The following BACH2 variants were observed in gnomAD, a reference collection of about 807,000 sequenced individuals.
BACH2 encodes the protein transcription regulator protein BACH2.
Under a neutral mutation model 61.8 loss-of-function variants are expected in BACH2, and 5 were observed. The observed-to-expected ratio is 0.08, with a 90% CI of 0.04 to 0.17. The LOEUF (loss-of-function observed/expected upper bound fraction) is 0.17, where lower values mean the gene tolerates loss of function less well. BACH2 is among the 10% of genes least tolerant of loss of function. The probability of loss-of-function intolerance (pLI) is 1.00; values close to 1 mark genes in which losing one functional copy is unlikely to be tolerated. For synonymous variants in BACH2, 446 were observed against 440.1 expected, an observed-to-expected ratio of 1.01 and a Z score of -0.17; for missense variants, 824 against 1,091.1, an observed-to-expected ratio of 0.76 and a Z score of 3.45.
At chr6:90,020,450 C>T (rs1778311075) in intron 5 of BACH2, among the ~76,000 whole-genome samples, 1 of 151,986 alleles carries the variant, frequency 6.6e-6, no homozygotes. Flanking sequence ...GTCACTTTGG[C>T]CCTCTCTCAT....
At chr6:89,969,244 T>C (rs1037306860) in intron 6 of BACH2, among the ~76,000 whole-genome samples, 1 of 151,792 alleles carries the variant, frequency 6.6e-6, no homozygotes, top group Non-Finnish European at 1.5e-5. Context: ...TCAGTAGAGA[T>C]GGGGTTTCTC....
chr6:89,953,281 A>G (rs1324981519), intron 6 of BACH2: 1 of 152,232 alleles, frequency 6.6e-6, no homozygotes, highest in Non-Finnish European at 1.5e-5. Context: ...CTCAGCTCTC[A>G]TAGCCAGATG....
chr6:90,256,815 C>T (rs945674143), intron 2 of BACH2, among the ~76,000 whole-genome samples: 1 of 152,100 alleles, frequency 6.6e-6, no homozygotes, highest in African/African-American at 2.4e-5. Context: ...AGTCTTCATA[C>T]TGCACATTAG....
chr6:90,054,321 C>A (rs1221305776), intron 5 of BACH2, among the ~76,000 whole-genome samples: 3 of 152,236 alleles, frequency 2.0e-5, no homozygotes, highest in African/African-American at 7.2e-5. Flanking sequence ...GAGATTATAT[C>A]CCGCACGTGG....
At chr6:90,245,981 T>G (rs1447749802) in intron 3 of BACH2, among the ~76,000 whole-genome samples, 1 of 152,146 alleles carries the variant, frequency 6.6e-6, no homozygotes, top group Non-Finnish European at 1.5e-5. Context: ...GGAAAGGATG[T>G]CAGCAAGAGA....
intron 1 of BACH2, among the ~76,000 whole-genome samples, chr6:90,281,213 A>G (rs2127886693): frequency 6.6e-6 from 1 of 152,338 alleles, no homozygotes; most frequent in Non-Finnish European, 1.5e-5. Flanking sequence ...CTGGTGGCTC[A>G]CAATGTTGTG....
In BACH2 at chr6:89,951,855, G is replaced by A. The variant is rs1473547695; in HGVS notation, c.251C>T (p.Ala84Val). 6.2e-7 allele frequency: 1 copy of A among 1,608,842 alleles called. No individual in the cohort carries two copies. Among genetic ancestry groups the A allele is most frequent in the Non-Finnish European group, 8.5e-7 (1 of 1,175,620 alleles). Residue 84 changes from alanine to valine, a missense_variant, in exon 7 of 9, where the codon GCC becomes GTC. Ala to Val is a moderately conservative substitution (Grantham distance 64, BLOSUM62 0). Around this residue, in one of 8 missense-constraint regions of BACH2, gnomAD observed 66 missense variants for 144.8 expected, o/e 0.46. Transcript: ENST00000257749. The surrounding 1 kb of genome is among the most constrained non-coding windows in gnomAD (Gnocchi z 6.4). ...LVVSLPEEVT[A>V]RGFGPLLQFA... ...CTGTAACAGCGGCCCAAAGCCCCTG[G>A]CTGTGACCTGCAAAACAAACAGGGA...
chr6:90,166,089 C>T (rs963042083), intron 4 of BACH2, among the ~76,000 whole-genome samples: 2 of 152,054 alleles, frequency 1.3e-5, no homozygotes, highest in Non-Finnish European at 2.9e-5. Flanking sequence ...AGCTTCTGCA[C>T]AGCAAAAGAA....
intron 1 of BACH2, among the ~76,000 whole-genome samples, chr6:90,279,406 G>C (rs7754251): frequency 0.49 from 73,960 of 151,424 alleles, 18,707 homozygotes; most frequent in South Asian, 0.58. Flanking sequence ...GCCTGTAATC[G>C]CAGCCACTCA....
Position 89,931,204 on chromosome 6 carries a change from G to A in BACH2, c.*1204C>T, listed in dbSNP as rs1040101226. ...TTCTGGTATAAAATCACGGATTCCTGTTTTTCTGATGTACTTTTGAGTGAG... is the reference window on the plus strand; with the variant it reads ...TTCTGGTATAAAATCACGGATTCCTATTTTTCTGATGTACTTTTGAGTGAG... On this transcript the variant is annotated 3_prime_UTR_variant, in exon 9 of 9. Transcript: ENST00000257749. 1.3e-5 allele frequency: 2 copies of A among 152,372 alleles called. No homozygotes were observed. Among genetic ancestry groups the A allele is most frequent in the African/African-American group, 4.8e-5 (2 of 41,472 alleles). 9.4% of individuals were successfully genotyped at this position (152,372 alleles called of 1,614,324 possible).
At chr6:89,937,160 T>G (rs904087129) in intron 8 of BACH2, among the ~76,000 whole-genome samples, 3 of 152,090 alleles carry the variant, frequency 2.0e-5, no homozygotes, top group Non-Finnish European at 4.4e-5. Flanking sequence ...GGCACAGGGA[T>G]GGCGATGACA....
intron 2 of BACH2, among the ~76,000 whole-genome samples, chr6:90,255,435 G>A (rs910270614): frequency 1.3e-5 from 2 of 152,176 alleles, no homozygotes; most frequent in African/African-American, 2.4e-5. Flanking sequence ...CCTGAGTGGT[G>A]AAACTGAGAC....
chr6:89,956,434 T>C (rs1000620032), intron 6 of BACH2, among the ~76,000 whole-genome samples: 3 of 152,262 alleles, frequency 2.0e-5, no homozygotes, highest in Admixed American at 6.5e-5. Context: ...CCGTGTCCGA[T>C]GGTGCAAGTC....
At chr6:90,128,017 G>A (rs540515124) in intron 4 of BACH2, among the ~76,000 whole-genome samples, 154 of 152,176 alleles carry the variant, frequency 1.0e-3, no homozygotes, top group African/African-American at 3.5e-3. Flanking sequence ...GCCTTCCCAT[G>A]CACTTTTCCC....
At chr6:90,186,066 C>T (rs1768346371) in intron 4 of BACH2, among the ~76,000 whole-genome samples, 1 of 152,120 alleles carries the variant, frequency 6.6e-6, no homozygotes, top group African/African-American at 2.4e-5. Flanking sequence ...CGATCCTCTA[C>T]CATATTTAAA....
chr6:90,148,095 A>G (rs545877990), intron 4 of BACH2, among the ~76,000 whole-genome samples: 31 of 152,330 alleles, frequency 2.0e-4, no homozygotes, highest in African/African-American at 7.5e-4. Context: ...TCATTGACTT[A>G]AAGGTGGCAA....
intron 6 of BACH2, among the ~76,000 whole-genome samples, chr6:89,975,698 C>T (rs1191133577): frequency 6.6e-6 from 1 of 152,116 alleles, no homozygotes; most frequent in Non-Finnish European, 1.5e-5. Flanking sequence ...GAAGCTCAGC[C>T]CAAACAGAGA....
At chr6:90,014,161 G>C (rs1008153990) in intron 5 of BACH2, among the ~76,000 whole-genome samples, 1 of 151,816 alleles carries the variant, frequency 6.6e-6, no homozygotes, top group African/African-American at 2.4e-5. Context: ...TGTTCAATAC[G>C]GAGATTTGTC....
In BACH2 at chr6:90,084,863, T is replaced by G. The variant is rs542245518; in HGVS notation, c.-13+4098A>C. Among the ~76,000 whole-genome samples, 3 of 152,206 alleles carry G rather than the reference T, an allele frequency of 2.0e-5. No homozygotes were observed. The South Asian group carries it at 6.2e-4, about 32-fold the overall frequency. On this transcript the variant is annotated intron_variant, in intron 5 of 8. Coordinates refer to ENST00000257749, the MANE Select transcript of BACH2 (RefSeq NM_021813.4). ...ATTTAGGATAGCAGTTTGTGAACTT[T>G]TTGAAACCATGGATCCTTATAGATG...
Sources: gnomAD v4.1 joint callset for allele counts (sites outside exome capture counted in the v4.1 genomes callset) on GRCh38, gnomAD v4.1.1 for gene constraint, gnomAD v4.1.1 regional missense constraint, Gnocchi (gnomAD v3.1) non-coding constraint, MANE v1.5 for transcripts, NCBI Gene and HGNC (gene_info 2026-07-23, HGNC 2026-07-21) for gene names.